The following NPSR1 variants were observed in gnomAD, a reference collection of about 807,000 sequenced individuals.
The protein encoded by NPSR1 is neuropeptide S receptor 1.
In NPSR1, 48 loss-of-function variants were observed where a neutral mutation model predicts 46.9. The ratio of observed to expected loss-of-function variants is 1.02; its 90% confidence interval spans 0.81 to 1.30. The LOEUF (loss-of-function observed/expected upper bound fraction) is 1.30. NPSR1 is among the 50% of genes most tolerant of loss of function. The probability of loss-of-function intolerance (pLI) is 0.00; values close to 1 mark genes in which losing one functional copy is unlikely to be tolerated. For synonymous variants in NPSR1, 176 were observed against 168.1 expected (o/e 1.05, Z -0.36); for missense variants, 450 against 449.5 (o/e 1.00, Z -0.01).
At chr7:34,793,185 A>G (rs1788020385) in intron 3 of NPSR1, among the ~76,000 whole-genome samples, 1 of 152,046 alleles carries the variant, frequency 6.6e-6, no homozygotes, top group Non-Finnish European at 1.5e-5. Flanking sequence ...CACAGGCAAC[A>G]AAAGCAAAAG....
At chr7:34,767,375 G>A (rs1786483907) in intron 2 of NPSR1, among the ~76,000 whole-genome samples, 1 of 152,088 alleles carries the variant, frequency 6.6e-6, no homozygotes, top group African/African-American at 2.4e-5. Context: ...GGAAAAAAGT[G>A]GACAACATAG....
At chr7:34,827,768 A>G (rs1789932367) in intron 5 of NPSR1, among the ~76,000 whole-genome samples, 166 bp downstream of exon 5, 1 of 152,186 alleles carries the variant, frequency 6.6e-6, no homozygotes, top group South Asian at 2.1e-4. Context: ...GCTAAGCCCA[A>G]TTTCTTCAAA....
chr7:34,727,150 G>A (rs1784198015), intron 2 of NPSR1, among the ~76,000 whole-genome samples: 3 of 152,012 alleles, frequency 2.0e-5, no homozygotes, highest in South Asian at 2.1e-4. Context: ...GCACTTACTC[G>A]ATTTTGCCAT....
rs139476014 is a variant in NPSR1, at chr7:34,768,630, T to C, written c.281-9832T>C. Among the ~76,000 whole-genome samples, 169 of 152,312 alleles carry C rather than the reference T, an allele frequency of 1.1e-3. 1 individual carries two copies. Among genetic ancestry groups the C allele is most frequent in the African/African-American group, 4.0e-3 (166 of 41,582 alleles). ...TTTGAATGTCTAAGTCTTCACAATA[T>C]GTAAGAATTTGTATAATATTATATA... On this transcript the variant is annotated intron_variant, in intron 2 of 8. Transcript: ENST00000360581.
intron 2 of NPSR1, among the ~76,000 whole-genome samples, chr7:34,742,206 G>C (rs1395147523): frequency 1.3e-5 from 2 of 148,956 alleles, no homozygotes; most frequent in African/African-American, 4.9e-5. Flanking sequence ...GCATGTGAAT[G>C]TTTGTTACAT....
intron 1 of NPSR1, among the ~76,000 whole-genome samples, chr7:34,662,179 T>C (rs765694848): frequency 1.3e-5 from 2 of 152,182 alleles, no homozygotes; most frequent in Non-Finnish European, 2.9e-5. Context: ...CTGCTAAATA[T>C]CACCTAATAA....
At chr7:34,710,924 A>G in intron 2 of NPSR1, 1 of 393,610 alleles carries the variant, frequency 2.5e-6, no homozygotes, top group Non-Finnish European at 4.9e-6. Context: ...GTGAAACACT[A>G]TCACAAGGAG....
intron 5 of NPSR1, 54 bp from the exon 6 acceptor site, chr7:34,834,330 C>T: frequency 7.2e-7 from 1 of 1,386,140 alleles, no homozygotes; most frequent in South Asian, 1.2e-5. Context: ...TCTCTGTGTC[C>T]TCACAGTAGG....
At chr7:34,686,960 C>CA (rs66886501) in intron 2 of NPSR1, among the ~76,000 whole-genome samples, 1,402 of 93,894 alleles carry the variant, frequency 0.015, 26 homozygotes, top group African/African-American at 0.034. Flanking sequence ...GACTCCGTCT[C>CA]AAAAAAAAAA....
intron 2 of NPSR1, 87 bp from the exon 3 acceptor site, chr7:34,778,375 T>C: frequency 4.1e-6 from 3 of 733,850 alleles, no homozygotes; most frequent in Non-Finnish European, 6.6e-6. Flanking sequence ...CTCCCCAGGA[T>C]TTCATTTCTA....
intron 2 of NPSR1, among the ~76,000 whole-genome samples, chr7:34,694,503 G>T (rs1369994390): frequency 6.6e-6 from 1 of 152,142 alleles, no homozygotes; most frequent in African/African-American, 2.4e-5. Flanking sequence ...AAAAAGTGAT[G>T]AAAGAAATTG....
chr7:34,851,808 G>C (rs2128766060), downstream of NPSR1, among the ~76,000 whole-genome samples: 1 of 152,290 alleles, frequency 6.6e-6, no homozygotes, highest in Non-Finnish European at 1.5e-5. Flanking sequence ...TGTAGAAACT[G>C]TGAACATGAT....
chr7:34,705,029 T>C (rs1794029311), intron 2 of NPSR1, among the ~76,000 whole-genome samples: 1 of 152,204 alleles, frequency 6.6e-6, no homozygotes, highest in Non-Finnish European at 1.5e-5. Flanking sequence ...ACTTATTCTT[T>C]TGAATTTGCC....
intron 2 of NPSR1, among the ~76,000 whole-genome samples, chr7:34,688,197 T>C (rs1793034976): frequency 6.6e-6 from 1 of 152,154 alleles, no homozygotes. Flanking sequence ...CATCTGCCAG[T>C]GCAAAAATAA....
At chr7:34,738,999 CTTT>C (rs1265029372) in intron 2 of NPSR1, among the ~76,000 whole-genome samples, 2 of 152,160 alleles carry the variant, frequency 1.3e-5, no homozygotes, top group African/African-American at 4.8e-5. Context: ...GAATATGTGG[CTTT>C]TTGTTTCTGG....
chr7:34,718,610 T>A (rs1037072727), intron 2 of NPSR1, among the ~76,000 whole-genome samples: 1 of 152,214 alleles, frequency 6.6e-6, no homozygotes, highest in African/African-American at 2.4e-5. Flanking sequence ...TCTTCCTTGT[T>A]AAGGGTAGAC....
intron 2 of NPSR1, among the ~76,000 whole-genome samples, chr7:34,763,653 A>T (rs1410289693): frequency 6.6e-6 from 1 of 152,222 alleles, no homozygotes; most frequent in African/African-American, 2.4e-5. Flanking sequence ...TTAAACCTTG[A>T]GGAAATGGAT....
At chr7:34,852,072 C>T (rs946898119), downstream of NPSR1, among the ~76,000 whole-genome samples, 31 of 152,026 alleles carry the variant, frequency 2.0e-4, no homozygotes, top group African/African-American at 6.3e-4. Flanking sequence ...CTGAGGTGGG[C>T]GGATCGTGAG....
At chr7:34,728,047 T>C (rs1261899100) in intron 2 of NPSR1, among the ~76,000 whole-genome samples, 17 of 149,192 alleles carry the variant, frequency 1.1e-4, no homozygotes, top group Admixed American at 1.1e-3. Context: ...AACAAAAAAC[T>C]GCCTTTATTT....
Sources: gnomAD v4.1 joint callset for allele counts (sites outside exome capture counted in the v4.1 genomes callset) on GRCh38, gnomAD v4.1.1 for gene constraint, MANE v1.5 for transcripts, NCBI Gene and HGNC (gene_info 2026-07-23, HGNC 2026-07-21) for gene names.